Variants in CARMIL1 observed in about 807,000 individuals in gnomAD.
CARMIL1 encodes the protein capping protein regulator and myosin 1 linker 1, also known as F-actin-uncapping protein LRRC16A.
CARMIL1 carries 90 observed loss-of-function variants against 177.1 expected under a neutral mutation model. That is an observed-to-expected ratio of 0.51 (90% CI 0.43 to 0.61). The LOEUF (loss-of-function observed/expected upper bound fraction) is 0.61. CARMIL1 is among the 20% of genes least tolerant of loss of function. The pLI, the probability that CARMIL1 is intolerant of heterozygous loss-of-function variation, is 0.00. For synonymous variants in CARMIL1, 577 were observed against 606.2 expected (o/e 0.95, Z 0.71); for missense variants, 1,380 against 1,667.0 (o/e 0.83, Z 3.00).
At position 25,509,774 on chromosome 6, in the gene CARMIL1, T is replaced by A; in HGVS notation, c.1477+37T>A. ...ATTGAAAAGAAATGAAACTGAAATA[T>A]TTTTTGAAGCAAGTTAATAAGGGGA... On this transcript the variant is annotated intron_variant, in intron 18 of 36. Transcript: ENST00000329474. This position sits in a 1 kb window ranked among gnomAD's most constrained non-coding sequence, Gnocchi z 4.1. 1 of 1,380,120 alleles carries A rather than the reference T, an allele frequency of 7.2e-7. No individual in the cohort carries two copies. Among genetic ancestry groups the A allele is most frequent in the Non-Finnish European group, 1.0e-6 (1 of 992,850 alleles). The allele number at this position is 1,380,120 out of a possible 1,614,324, so 85.5% of individuals were successfully genotyped here.
intron 8 of CARMIL1, among the ~76,000 whole-genome samples, chr6:25,463,819 C>CT (rs68160209): frequency 0.096 from 10,382 of 108,136 alleles, 914 homozygotes; most frequent in African/African-American, 0.15. Context: ...AGTTGTTCTC[C>CT]TTTTTTTTTT....
rs149401561 is a variant in CARMIL1, at chr6:25,473,829, A to G, written c.874+1308A>G. 4.5e-3 allele frequency among the ~76,000 whole-genome samples: 689 copies of G among 152,306 alleles called. 7 individuals carry two copies. Among genetic ancestry groups the G allele is most frequent in the African/African-American group, 0.015 (643 of 41,556 alleles). Reference sequence around the variant, plus strand: ...CCACTATTATCTTTTAATATTTAACAAGATTTGAGTGTGAGAATAGGGAAA... The same window carrying G: ...CCACTATTATCTTTTAATATTTAACGAGATTTGAGTGTGAGAATAGGGAAA... On this transcript the variant is annotated intron_variant, in intron 11 of 36. Transcript: ENST00000329474.
chr6:25,320,333 T>C lies in CARMIL1; in HGVS notation c.138+35424T>C, dbSNP rs374329455. Among the ~76,000 whole-genome samples, 18 of 152,328 alleles carry C rather than the reference T, an allele frequency of 1.2e-4. No individual in the cohort carries two copies. In the East Asian group the frequency reaches 3.5e-3, roughly 29 times the overall value. Reference sequence around the variant, plus strand: ...GTAGAGGAGAGTATTGTTTGCTTGTTTGAGGATTGTATTTCCCAGGTTTGT... The same window carrying C: ...GTAGAGGAGAGTATTGTTTGCTTGTCTGAGGATTGTATTTCCCAGGTTTGT... On this transcript the variant is annotated intron_variant, in intron 2 of 36. Transcript: ENST00000329474.
At chr6:25,307,475 T>C (rs1481817348) in intron 2 of CARMIL1, among the ~76,000 whole-genome samples, 2 of 152,214 alleles carry the variant, frequency 1.3e-5, no homozygotes, top group Non-Finnish European at 2.9e-5. Flanking sequence ...GATAAATTGA[T>C]TAGATGTGCA....
intron 2 of CARMIL1, among the ~76,000 whole-genome samples, chr6:25,403,393 C>G (rs1392329734): frequency 6.6e-6 from 1 of 152,158 alleles, no homozygotes; most frequent in African/African-American, 2.4e-5. Context: ...CTCCCTGCTT[C>G]CACTCTCCTT....
At chr6:25,393,355 A>G (rs112897214) in intron 2 of CARMIL1, 20,657 of 151,778 alleles carry the variant, frequency 0.14, 1,608 homozygotes, top group East Asian at 0.31. Flanking sequence ...TCGGGAGTTC[A>G]AGACGAGCCT....
At chr6:25,472,718 T>G (rs1801198692) in intron 11 of CARMIL1, 197 bp downstream of exon 11, 2 of 550,876 alleles carry the variant, frequency 3.6e-6, no homozygotes, top group South Asian at 5.2e-5. Flanking sequence ...TCACCTTTTT[T>G]GAAGTGAAAC....
intron 20 of CARMIL1, among the ~76,000 whole-genome samples, chr6:25,514,693 G>A (rs113182559): frequency 2.6e-5 from 4 of 152,222 alleles, no homozygotes; most frequent in African/African-American, 7.2e-5. Flanking sequence ...ATACCAAGGT[G>A]AGAGGATCAC....
chr6:25,304,763 C>T (rs564944215), intron 2 of CARMIL1, among the ~76,000 whole-genome samples: 3 of 152,334 alleles, frequency 2.0e-5, no homozygotes, highest in Admixed American at 2.0e-4. Flanking sequence ...CTGAAATTTA[C>T]AATGTTCCCT....
chr6:25,392,705 T>C (rs716798), intron 2 of CARMIL1, among the ~76,000 whole-genome samples: 23,123 of 152,226 alleles, frequency 0.15, 1,882 homozygotes, highest in Non-Finnish European at 0.18. Context: ...AAAAAATGGC[T>C]ACCAGTATCC....
chr6:25,602,589 T>G (rs1047046405), intron 33 of CARMIL1, among the ~76,000 whole-genome samples: 1 of 152,238 alleles, frequency 6.6e-6, no homozygotes, highest in Non-Finnish European at 1.5e-5. Flanking sequence ...AGTGTCACTT[T>G]AAAACAACCA....
intron 24 of CARMIL1, among the ~76,000 whole-genome samples, chr6:25,530,355 C>T (rs1052507969): frequency 6.6e-6 from 1 of 151,954 alleles, no homozygotes; most frequent in Admixed American, 6.6e-5. Context: ...ACTAAACATA[C>T]AAAAGAAAAA....
At chr6:25,293,901 T>C (rs1443424716) in intron 2 of CARMIL1, among the ~76,000 whole-genome samples, 3 of 152,148 alleles carry the variant, frequency 2.0e-5, no homozygotes, top group African/African-American at 7.2e-5. Context: ...TCTGTATTTT[T>C]TGTAGAGATG....
intron 2 of CARMIL1, among the ~76,000 whole-genome samples, chr6:25,370,335 G>A (rs1790284988): frequency 6.6e-6 from 1 of 152,124 alleles, no homozygotes; most frequent in Admixed American, 6.5e-5. Flanking sequence ...GCGGGGGAAG[G>A]TGCTCCTTTT....
At chr6:25,394,900 C>T (rs1793224732) in intron 2 of CARMIL1, among the ~76,000 whole-genome samples, 1 of 152,120 alleles carries the variant, frequency 6.6e-6, no homozygotes, top group African/African-American at 2.4e-5. Flanking sequence ...TTTGCCTTAG[C>T]AGAGAAAAAT....
At chr6:25,366,503 CATGCCCCT>C (rs1789820008) in intron 2 of CARMIL1, among the ~76,000 whole-genome samples, 1 of 151,812 alleles carries the variant, frequency 6.6e-6, no homozygotes, top group Non-Finnish European at 1.5e-5. Flanking sequence ...CAGCTTTGAA[CATGCCCCT>C]ATGTCTTCGT....
At chr6:25,386,058 G>GT (rs1299167467) in intron 2 of CARMIL1, among the ~76,000 whole-genome samples, 1 of 152,226 alleles carries the variant, frequency 6.6e-6, no homozygotes, top group Non-Finnish European at 1.5e-5. Context: ...ACATCCGAGT[G>GT]TATTTGCCTC....
intron 11 of CARMIL1, 90 bp from the exon 12 acceptor site, chr6:25,482,167 C>A: frequency 1.5e-6 from 1 of 681,756 alleles, no homozygotes; most frequent in South Asian, 1.7e-5. Flanking sequence ...TCACTTCAGT[C>A]AGAATCAAAA....
intron 23 of CARMIL1, among the ~76,000 whole-genome samples, chr6:25,526,415 T>TA (rs112582162): frequency 0.42 from 63,442 of 151,044 alleles, 13,546 homozygotes; most frequent in Non-Finnish European, 0.45. Flanking sequence ...GCTTTGTTAA[T>TA]AAAAAAATAG....
Sources: gnomAD v4.1 joint callset for allele counts (sites outside exome capture counted in the v4.1 genomes callset) on GRCh38, gnomAD v4.1.1 for gene constraint, Gnocchi (gnomAD v3.1) non-coding constraint, MANE v1.5 for transcripts, NCBI Gene and HGNC (gene_info 2026-07-23, HGNC 2026-07-21) for gene names.